KHDC1: variants seen among roughly 807,000 people sequenced by gnomAD.
KHDC1 encodes KH domain containing 1.
A neutral mutation model predicts 24.7 loss-of-function variants in KHDC1; 21 were observed. That is an observed-to-expected ratio of 0.85 (90% CI 0.60 to 1.23). The LOEUF (loss-of-function observed/expected upper bound fraction) is 1.23, where lower values mean the gene tolerates loss of function less well. Among genes scored for constraint, KHDC1 ranks in the 50% most tolerant of loss-of-function variants. The pLI is 0.00. For synonymous variants in KHDC1, 98 were observed against 111.7 expected, an observed-to-expected ratio of 0.88 and a Z score of 0.77; for missense variants, 274 against 298.5, an observed-to-expected ratio of 0.92 and a Z score of 0.61.
chr6:73,249,514 C>T (rs917910647), intron 2 of KHDC1, among the ~76,000 whole-genome samples: 4 of 152,066 alleles, frequency 2.6e-5, no homozygotes, highest in African/African-American at 4.8e-5. Flanking sequence ...TCTTGGTAAC[C>T]TCATATTTTA....
At chr6:73,245,467 A>G (rs1766649365) in intron 2 of KHDC1, among the ~76,000 whole-genome samples, 1 of 152,224 alleles carries the variant, frequency 6.6e-6, no homozygotes, top group Admixed American at 6.5e-5. Flanking sequence ...TAGTATTTAG[A>G]AACATGAGCT....
At chr6:73,283,643 T>C (rs1311807912) in intron 2 of KHDC1, among the ~76,000 whole-genome samples, 26 of 108,842 alleles carry the variant, frequency 2.4e-4, no homozygotes, top group African/African-American at 1.2e-3. Flanking sequence ...TTTTCATTCT[T>C]TTTTTTTTTT....
At chr6:73,241,929 T>A in intron 4 of KHDC1, 126 bp downstream of exon 3, 1 of 1,147,274 alleles carries the variant, frequency 8.7e-7, no homozygotes, top group Non-Finnish European at 1.2e-6. Flanking sequence ...TTCTTCCCAA[T>A]GGACTCTGGG....
intron 2 of KHDC1, among the ~76,000 whole-genome samples, chr6:73,267,861 A>G (rs934266232): frequency 6.6e-6 from 1 of 150,648 alleles, no homozygotes; most frequent in Non-Finnish European, 1.5e-5. Flanking sequence ...TCTGAGATGG[A>G]GTTTCGTTCT....
chr6:73,300,057 A>T (rs1458481652), intron 1 of KHDC1: 1 of 152,188 alleles, frequency 6.6e-6, no homozygotes, highest in Non-Finnish European at 1.5e-5. Flanking sequence ...CTCTGGATTC[A>T]CATCCATAAT....
At chr6:73,277,770 G>C (rs1430935574) in intron 2 of KHDC1, among the ~76,000 whole-genome samples, 2 of 151,514 alleles carry the variant, frequency 1.3e-5, no homozygotes, top group African/African-American at 4.9e-5. Flanking sequence ...GTGGGACAGA[G>C]GCAAGAGGAT....
intron 2 of KHDC1, among the ~76,000 whole-genome samples, chr6:73,252,800 G>A (rs1458588688): frequency 1.3e-5 from 2 of 150,734 alleles, no homozygotes; most frequent in African/African-American, 2.5e-5. Context: ...CTGGGCAACA[G>A]AGTGAGACTC....
intron 2 of KHDC1, chr6:73,275,170 T>A (rs959661420): frequency 2.6e-5 from 4 of 152,272 alleles, no homozygotes; most frequent in African/African-American, 9.7e-5. Flanking sequence ...CTGACCAACA[T>A]GGAGAAACCC....
intron 2 of KHDC1, among the ~76,000 whole-genome samples, chr6:73,262,078 C>CAA (rs567769174): frequency 2.2e-5 from 3 of 139,472 alleles, no homozygotes; most frequent in African/African-American, 7.9e-5. Flanking sequence ...AGGCCCTTCT[C>CAA]AAAAAAAAAA....
chr6:73,252,003 G>A (rs115476980), intron 2 of KHDC1, among the ~76,000 whole-genome samples: 2,036 of 149,144 alleles, frequency 0.014, 42 homozygotes, highest in African/African-American at 0.047. Flanking sequence ...GGTTATAGGC[G>A]TGAGCCACAG....
chr6:73,251,765 T>A (rs1298824647), intron 2 of KHDC1, among the ~76,000 whole-genome samples: 4 of 151,812 alleles, frequency 2.6e-5, no homozygotes, highest in African/African-American at 7.3e-5. Context: ...ATATCCTTTT[T>A]AAAAAATTCT....
chr6:73,267,925 C>T (rs1315480046), intron 2 of KHDC1: 2 of 152,180 alleles, frequency 1.3e-5, no homozygotes, highest in Non-Finnish European at 2.9e-5. Context: ...CAACATCCGC[C>T]TCCTGGGTTC....
At chr6:73,241,822 G>T in intron 4 of KHDC1, 94 bp from the exon 4 acceptor site, 1 of 1,383,544 alleles carries the variant, frequency 7.2e-7, no homozygotes, top group Non-Finnish European at 1.0e-6. Context: ...CAGGGAGGAT[G>T]TCACCCCAGC....
intron 1 of KHDC1, among the ~76,000 whole-genome samples, chr6:73,293,492 C>G (rs1319087426): frequency 6.6e-6 from 1 of 152,178 alleles, no homozygotes; most frequent in Non-Finnish European, 1.5e-5. Flanking sequence ...TAAGAAGTTA[C>G]AAAGAGGCTA....
intron 2 of KHDC1, chr6:73,290,660 G>A: frequency 4.1e-6 from 2 of 482,868 alleles, no homozygotes; most frequent in Non-Finnish European, 8.1e-6. Flanking sequence ...ACTAGCTAGT[G>A]GGCTGTGCTG....
Sources: allele counts gnomAD v4.1 joint callset (sites outside exome capture counted in the v4.1 genomes callset), GRCh38; gene constraint gnomAD v4.1.1; transcripts MANE v1.5; gene names NCBI Gene and HGNC (gene_info 2026-07-23, HGNC 2026-07-21).